The following MROH1 variants were observed in gnomAD, a reference collection of about 807,000 sequenced individuals.
MROH1 encodes the protein maestro heat like repeat family member 1.
In MROH1, 117 loss-of-function variants were observed where a neutral mutation model predicts 116.5. The observed-to-expected ratio is 1.00, with a 90% CI of 0.86 to 1.17. MROH1 has a LOEUF of 1.17. Ranked by LOEUF, MROH1 falls within the 50% of genes most tolerant of loss-of-function variation. The pLI, the probability that MROH1 is intolerant of heterozygous loss-of-function variation, is 0.00. For missense variants in MROH1, 1,873 were observed against 1,338.5 expected, an observed-to-expected ratio of 1.40 and a Z score of -6.23; for synonymous variants, 921 against 583.9, an observed-to-expected ratio of 1.58 and a Z score of -8.32.
chr8:144,177,525 AT>A (rs1201551509), intron 4 of MROH1, among the ~76,000 whole-genome samples: 32 of 152,226 alleles, frequency 2.1e-4, no homozygotes, highest in Admixed American at 1.8e-3. Context: ...CACTTCTCCT[AT>A]GTGGGCCCAC....
At chr8:144,206,784 G>A (rs1160672919) in intron 12 of MROH1, among the ~76,000 whole-genome samples, 1 of 150,852 alleles carries the variant, frequency 6.6e-6, no homozygotes, top group African/African-American at 2.4e-5. Flanking sequence ...TGTAATCCCA[G>A]AACTTTGCGA....
At chr8:144,172,499 C>T (rs986303002) in intron 4 of MROH1, among the ~76,000 whole-genome samples, 2 of 151,820 alleles carry the variant, frequency 1.3e-5, no homozygotes, top group South Asian at 2.1e-4. Flanking sequence ...GCAACCTCCA[C>T]CTCCTGGGTT....
intron 35 of MROH1, among the ~76,000 whole-genome samples, chr8:144,258,503 G>C (rs1173169796): frequency 6.6e-6 from 1 of 152,210 alleles, no homozygotes; most frequent in African/African-American, 2.4e-5. Flanking sequence ...AGAGGGCTTT[G>C]CCTGTGTCCA....
In MROH1 at chr8:144,238,825, C is replaced by A; in HGVS notation, c.1408C>A (p.Leu470Ile). ...CGTGCGGGCCATCAGCGTGCGCACC[C>A]TCTACCTGGTCAGCACCACCGTGGA... ...DSVRAISVRT[L>I]YLVSTTVDRM... The change falls in exon 15 of 44, where the codon CTC (leucine) becomes ATC (isoleucine). Residue 470 changes from leucine to isoleucine, a missense_variant. Transcript: ENST00000326134. 1 of 775,112 alleles carries A rather than the reference C, an allele frequency of 1.3e-6. No homozygotes were observed. Among genetic ancestry groups the A allele is most frequent in the South Asian group, 1.3e-5 (1 of 74,582 alleles). 48.0% of individuals were successfully genotyped at this position (775,112 alleles called of 1,614,324 possible). A position where few individuals can be genotyped will look rare whatever the true frequency, so the allele number is the denominator to read the frequency against.
chr8:144,260,892 T>A lies in MROH1; in HGVS notation c.4537-15T>A. On this transcript the variant is annotated splice_polypyrimidine_tract_variant and intron_variant, in intron 40 of 43. Transcript: ENST00000326134. ...TGGCCTCAACTGGACTTGGCCCCAG[T>A]GCCGCATCCCTTAGGCCTGCAGGTT... 1 of 777,590 alleles carries A rather than the reference T, an allele frequency of 1.3e-6. No homozygotes were observed. Among genetic ancestry groups the A allele is most frequent in the Non-Finnish European group, 2.4e-6 (1 of 417,742 alleles). The allele number at this position is 777,590 out of a possible 1,614,324, so 48.2% of individuals were successfully genotyped here.
intron 4 of MROH1, 122 bp from the exon 5 acceptor site, chr8:144,179,333 C>A: frequency 3.6e-6 from 5 of 1,392,010 alleles, no homozygotes; most frequent in African/African-American, 1.4e-5. Context: ...GTGTACCCCT[C>A]CCCTCCTGCA....
chr8:144,234,412 G>A (rs574228157), intron 14 of MROH1, among the ~76,000 whole-genome samples: 11 of 142,410 alleles, frequency 7.7e-5, no homozygotes, highest in African/African-American at 2.6e-4. Context: ...CATAGTATAC[G>A]TTTTGCACGT....
chr8:144,191,201 G>C (rs1471404112), intron 8 of MROH1, among the ~76,000 whole-genome samples: 1 of 152,134 alleles, frequency 6.6e-6, no homozygotes, highest in African/African-American at 2.4e-5. Flanking sequence ...TCCTGAGTAG[G>C]TGGGATTACA....
At chr8:144,175,199 G>A (rs1241618685) in intron 4 of MROH1, 2 of 975,868 alleles carry the variant, frequency 2.0e-6, no homozygotes, top group Non-Finnish European at 2.4e-6. Context: ...TGGTCGAGTG[G>A]GTATAAATGC....
chr8:144,190,620 A>G lies in MROH1; in HGVS notation c.563-164A>G, dbSNP rs900229846. Among the ~76,000 whole-genome samples, 12 of 152,300 alleles carry G rather than the reference A, an allele frequency of 7.9e-5. 1 individual carries two copies. The East Asian group carries it at 1.7e-3, about 22-fold the overall frequency. On this transcript the variant is annotated intron_variant, in intron 7 of 43. Transcript: ENST00000326134. ...AATAAGGCCATGAATTTGGAGGGACACTTTTCATCCTGTGTAGTCCTGGAG... is the reference window on the plus strand; with the variant it reads ...AATAAGGCCATGAATTTGGAGGGACGCTTTTCATCCTGTGTAGTCCTGGAG...
At chr8:144,210,987 C>T (rs1205793326) in intron 12 of MROH1, among the ~76,000 whole-genome samples, 4 of 152,182 alleles carry the variant, frequency 2.6e-5, no homozygotes, top group African/African-American at 9.7e-5. Context: ...GAAACAGCAA[C>T]TCCCCATATT....
In MROH1 at chr8:144,260,968, C is replaced by T. The variant is rs1844929095; in HGVS notation, c.4598C>T (p.Ala1533Val). 1 of 774,400 alleles carries T rather than the reference C, an allele frequency of 1.3e-6. No individual in the cohort carries two copies. The highest frequency in any genetic ancestry group is 2.4e-6 in the Non-Finnish European group (1 of 416,528). The allele number at this position is 774,400 out of a possible 1,614,324, so 48.0% of individuals were successfully genotyped here. The change falls in exon 41 of 44, where the codon GCT becomes GTT. Residue 1533 changes from alanine (A) to valine (V), a missense_variant. Ala to Val is a moderately conservative substitution (Grantham distance 64). Transcript: ENST00000326134. ...CTGGCATGTGAGGAGCTCTCAGCTG[C>T]TTTCCAGAAACACCTGCAGGAGGGC... The part of the protein sequence containing the change: ...PNLACEELSA[A>V]FQKHLQEGRA...
At chr8:144,191,684 C>A in intron 8 of MROH1, 31 bp from the exon 9 acceptor site, 1 of 1,608,918 alleles carries the variant, frequency 6.2e-7, no homozygotes, top group Non-Finnish European at 8.5e-7. Context: ...GACTGAGCAG[C>A]GTAAGCTTCC....
chr8:144,223,033 G>A, intron 13 of MROH1, 75 bp from the exon 14 acceptor site: 1 of 1,588,444 alleles, frequency 6.3e-7, no homozygotes, highest in Admixed American at 1.7e-5. Flanking sequence ...GAAGACTGAG[G>A]TTCCTCTCTG....
At chr8:144,198,825 G>A (rs1287447932) in intron 10 of MROH1, among the ~76,000 whole-genome samples, 1 of 152,130 alleles carries the variant, frequency 6.6e-6, no homozygotes, top group South Asian at 2.1e-4. Context: ...GGAGCAGGAT[G>A]TGTCCCTGGA....
chr8:144,245,849 A>G (rs1031449919), intron 29 of MROH1, among the ~76,000 whole-genome samples: 4 of 150,996 alleles, frequency 2.6e-5, no homozygotes, highest in African/African-American at 9.8e-5. Context: ...TTTTGTAGAG[A>G]TGGGTCTTGC....
At chr8:144,187,735 G>GGC (rs1827548577) in intron 7 of MROH1, among the ~76,000 whole-genome samples, 1 of 152,172 alleles carries the variant, frequency 6.6e-6, no homozygotes, top group Non-Finnish European at 1.5e-5. Context: ...TGACCCTGAA[G>GGC]GCAGTGCTAG....
At chr8:144,176,959 A>C (rs977021652) in intron 4 of MROH1, among the ~76,000 whole-genome samples, 3 of 152,136 alleles carry the variant, frequency 2.0e-5, no homozygotes, top group African/African-American at 7.2e-5. Context: ...CTGATTCCCC[A>C]CCTGCCTCAC....
rs1001162098 is a variant in MROH1, at chr8:144,259,484, T to C, written c.4044+130T>C. 36 of 687,922 alleles carry C rather than the reference T, an allele frequency of 5.2e-5. No homozygotes were observed. In the Admixed American group the frequency reaches 6.9e-4, roughly 13 times the overall value. 42.6% of individuals were successfully genotyped at this position (687,922 alleles called of 1,614,324 possible). On this transcript the variant is annotated intron_variant, in intron 37 of 43. Transcript: ENST00000326134. ...TCTGTGAGGGAGGTTATGTGGATGC[T>C]AGCTACCTCCTCCCCCATGCCAGAA...
Sources: allele counts gnomAD v4.1 joint callset (sites outside exome capture counted in the v4.1 genomes callset), GRCh38; gene constraint gnomAD v4.1.1; transcripts MANE v1.5; gene names NCBI Gene and HGNC (gene_info 2026-07-23, HGNC 2026-07-21).